TRAPPC10: variants seen among roughly 807,000 people sequenced by gnomAD.
TRAPPC10 encodes the protein TRAPP 130 kDa subunit.
TRAPPC10 carries 23 observed loss-of-function variants against 125.5 expected under a neutral mutation model. The ratio of observed to expected loss-of-function variants is 0.18; its 90% confidence interval spans 0.13 to 0.26. The LOEUF (loss-of-function observed/expected upper bound fraction) is 0.26, where lower values mean the gene tolerates loss of function less well. TRAPPC10 is among the 10% of genes least tolerant of loss of function. TRAPPC10 has a pLI of 1.00. For missense variants in TRAPPC10, 1,123 were observed against 1,308.4 expected (o/e 0.86, Z 2.19); for synonymous variants, 509 against 518.0 (o/e 0.98, Z 0.24).
intron 1 of TRAPPC10, among the ~76,000 whole-genome samples, chr21:44,026,097 G>A (rs1329265042): frequency 6.6e-6 from 1 of 152,070 alleles, no homozygotes; most frequent in Non-Finnish European, 1.5e-5. Context: ...TGCTAGAAAT[G>A]TGGAGTTAGT....
intron 1 of TRAPPC10, among the ~76,000 whole-genome samples, chr21:44,027,944 C>T (rs983700251): frequency 1.3e-5 from 2 of 152,154 alleles, no homozygotes; most frequent in African/African-American, 4.8e-5. Context: ...CTTACACCCT[C>T]CAGAAATGAT....
Position 44,080,829 on chromosome 21 carries a change from G to A in TRAPPC10, c.1723+702G>A, listed in dbSNP as rs377684686. On this transcript the variant is annotated intron_variant, in intron 13 of 22. Coordinates refer to ENST00000291574, the MANE Select transcript of TRAPPC10 (RefSeq NM_003274.5). ...GCTGGGATTACAGATGTGAGCCACC[G>A]CACCCAGTCTTTTTCTTCATTTTTT... 5.1e-3 allele frequency among the ~76,000 whole-genome samples: 759 copies of A among 150,066 alleles called. 5 individuals are homozygous for A. The highest frequency in any genetic ancestry group is 0.018 in the African/African-American group (731 of 40,846).
Position 44,076,050 on chromosome 21 carries a change from A to T in TRAPPC10, c.1301-502A>T, listed in dbSNP as rs899800220. Among the ~76,000 whole-genome samples, 8 of 77,862 alleles carry T rather than the reference A, an allele frequency of 1.0e-4. No individual in the cohort carries two copies. In the South Asian group the frequency reaches 1.8e-3, roughly 18 times the overall value. 51.1% of individuals were successfully genotyped at this position (77,862 alleles called of 152,430 possible). On this transcript the variant is annotated intron_variant, in intron 9 of 22. Coordinates refer to ENST00000291574, the MANE Select transcript of TRAPPC10 (RefSeq NM_003274.5). ...GGCAACAAGAGCAAAACTCTGTCAA[A>T]AAAAAAAAAAAATTCTCCTGGATAA...
At chr21:44,031,086 C>T (rs976982674) in intron 1 of TRAPPC10, among the ~76,000 whole-genome samples, 3 of 152,186 alleles carry the variant, frequency 2.0e-5, no homozygotes, top group African/African-American at 7.2e-5. Flanking sequence ...GCGCCTTGCC[C>T]ACTCACCGTG....
Position 44,083,073 on chromosome 21 carries a change from G to A in TRAPPC10, c.2009G>A (p.Ser670Asn). The A allele has an allele frequency of 1.2e-6, 2 of 1,614,084 alleles. No homozygotes were observed. The highest frequency in any genetic ancestry group is 1.3e-5 in the African/African-American group (1 of 74,988). Reference sequence around the variant, plus strand: ...GCACCTTTCCCTGTATCCCAAAACAGTTTGCCCGCGCTGGAGTTGTATGAA... The same window carrying A: ...GCACCTTTCCCTGTATCCCAAAACAATTTGCCCGCGCTGGAGTTGTATGAA... ...ETAPFPVSQNSLPALELYEMF... is the reference protein window; with the variant it reads ...ETAPFPVSQNNLPALELYEMF... The change falls in exon 14 of 23, where the codon AGT becomes AAT. Residue 670 changes from serine (S) to asparagine (N), a missense_variant. Physicochemically the swap from Ser to Asn is conservative, Grantham distance 46. This residue lies in a region of TRAPPC10 where 840 missense variants were observed against 902.0 expected (regional missense o/e 0.93). Coordinates refer to ENST00000291574, the MANE Select transcript of TRAPPC10 (RefSeq NM_003274.5).
chr21:44,012,851 G>A (rs1324546687), intron 1 of TRAPPC10, among the ~76,000 whole-genome samples: 2 of 151,908 alleles, frequency 1.3e-5, no homozygotes, highest in African/African-American at 4.8e-5. Flanking sequence ...CGCCGGCGTC[G>A]AGGGCGAGGA....
chr21:44,059,293 T>A lies in TRAPPC10; in HGVS notation c.790+79T>A. 2.0e-6 allele frequency: 2 copies of A among 994,056 alleles called. No homozygotes were observed. 61.6% of individuals were successfully genotyped at this position (994,056 alleles called of 1,614,324 possible). ...CTTCAGATAGGCTTGAAGCAGCCAT[T>A]TATTTACCTCAGGAGTACGCATGTT... On this transcript the variant is annotated intron_variant, in intron 6 of 22. Transcript: ENST00000291574. The surrounding 1 kb of genome is among the most constrained non-coding windows in gnomAD (Gnocchi z 4.4).
At chr21:44,052,207 A>G (rs961843551) in intron 3 of TRAPPC10, 73 bp from the exon 4 acceptor site, 44 of 1,316,868 alleles carry the variant, frequency 3.3e-5, no homozygotes, top group Non-Finnish European at 4.1e-5. Context: ...GCAGGCTGTT[A>G]TTAGGCACAT....
At chr21:44,061,064 A>G (rs2036015321) in intron 6 of TRAPPC10, among the ~76,000 whole-genome samples, 4 of 152,044 alleles carry the variant, frequency 2.6e-5, no homozygotes, top group Admixed American at 2.0e-4. Flanking sequence ...CAGCCTCCCA[A>G]ATAGCTGGGA....
rs974183463 is a variant in TRAPPC10, at chr21:44,087,063, C to T, written c.2539+103C>T. 35 of 1,364,790 alleles carry T rather than the reference C, an allele frequency of 2.6e-5. No homozygotes were observed. The highest frequency in any genetic ancestry group is 3.2e-5 in the Non-Finnish European group (32 of 994,068). The allele number at this position is 1,364,790 out of a possible 1,614,324, so 84.5% of individuals were successfully genotyped here. A position where few individuals can be genotyped will look rare whatever the true frequency, so the allele number is the denominator to read the frequency against. The stretch of plus-strand genomic sequence containing the variant: ...CTTGCTGCCATCCTGCTGAGCGCCC[C>T]TCAACAGTGTCTGGAGTCCGTGTTC... On this transcript the variant is annotated intron_variant, in intron 16 of 22. Coordinates refer to ENST00000291574, the MANE Select transcript of TRAPPC10 (RefSeq NM_003274.5). The surrounding 1 kb of genome is among the most constrained non-coding windows in gnomAD (Gnocchi z 4.6).
At chr21:44,044,936 G>C (rs1314420152) in intron 3 of TRAPPC10, among the ~76,000 whole-genome samples, 3 of 152,074 alleles carry the variant, frequency 2.0e-5, no homozygotes, top group African/African-American at 4.8e-5. Flanking sequence ...AAAGTGCTGG[G>C]ATTACAGGTG....
Position 44,012,441 on chromosome 21 carries a change from C to A in TRAPPC10, c.-53C>A. 6 of 1,222,382 alleles carry A rather than the reference C, an allele frequency of 4.9e-6. No homozygotes were observed. Among genetic ancestry groups the A allele is most frequent in the Non-Finnish European group, 6.3e-6 (6 of 955,822 alleles). 75.7% of individuals were successfully genotyped at this position (1,222,382 alleles called of 1,614,324 possible). On this transcript the variant is annotated 5_prime_UTR_variant, in exon 1 of 23. Transcript: ENST00000291574. ...CGGGCTCCGGCTGGGCCCGGCGCGG[C>A]CTCGGGGCTGCCCATGGGGCGCGGG...
rs533426293 is a variant in TRAPPC10, at chr21:44,016,947, G to A, written c.67+4387G>A. 8.9e-4 allele frequency among the ~76,000 whole-genome samples: 135 copies of A among 152,300 alleles called. 1 individual carries two copies. Among genetic ancestry groups the A allele is most frequent in the Non-Finnish European group, 5.6e-4 (38 of 68,028 alleles). Reference sequence around the variant, plus strand: ...TGGGATTATAGGCATGAGCCACCGCGCCCAGCCAGGTTAAAGTTTTTAAAT... The same window carrying A: ...TGGGATTATAGGCATGAGCCACCGCACCCAGCCAGGTTAAAGTTTTTAAAT... On this transcript the variant is annotated intron_variant, in intron 1 of 22. Transcript: ENST00000291574.
In TRAPPC10 at chr21:44,061,714, TCA is replaced by T. The variant is rs535723742; in HGVS notation, c.791-1823_791-1822del. ...CACTGAGCACCAAATAGAATAATTC[TCA>T]GTCTTTTCATGGAGAACTCCTTTGA... is the stretch of plus-strand genomic sequence containing the variant. On this transcript the variant is annotated intron_variant, in intron 6 of 22. Transcript: ENST00000291574. Among the ~76,000 whole-genome samples, 595 of 152,358 alleles carry T rather than the reference TCA, an allele frequency of 3.9e-3. 6 individuals carry two copies. Among genetic ancestry groups the T allele is most frequent in the African/African-American group, 0.014 (570 of 41,582 alleles).
intron 8 of TRAPPC10, 98 bp from the exon 9 acceptor site, chr21:44,074,941 C>A (rs1163432545): frequency 4.4e-6 from 4 of 916,714 alleles, no homozygotes; most frequent in Non-Finnish European, 6.7e-6. Context: ...TAAATTTCTT[C>A]TAGAATTTAG....
intron 1 of TRAPPC10, among the ~76,000 whole-genome samples, chr21:44,015,681 C>G (rs987985441): frequency 6.6e-6 from 1 of 151,126 alleles, no homozygotes; most frequent in Middle Eastern, 3.2e-3. Flanking sequence ...GTGGCGCGAT[C>G]TCGGCTCACT....
chr21:44,089,949 C>T lies in TRAPPC10; in HGVS notation c.2870+16C>T, dbSNP rs1034605515. On this transcript the variant is annotated intron_variant, in intron 18 of 22. Coordinates refer to ENST00000291574, the MANE Select transcript of TRAPPC10 (RefSeq NM_003274.5). ...CAGGAACACGGTAACGGAGGCGTAG[C>T]GTGCGGGCCCTGGCTTCTTTCCCCA... 6.3e-6 allele frequency: 10 copies of T among 1,594,890 alleles called. No homozygotes were observed. Among genetic ancestry groups the T allele is most frequent in the African/African-American group, 2.7e-5 (2 of 74,540 alleles).
Position 44,094,098 on chromosome 21 carries a change from G to C in TRAPPC10, c.3033G>C (p.Trp1011Cys). Residue 1011 changes from tryptophan to cysteine, a missense_variant, in exon 20 of 23, where the codon TGG (tryptophan) becomes TGC (cysteine). Around this residue, in one of 4 missense-constraint regions of TRAPPC10, gnomAD observed 840 missense variants for 902.0 expected, o/e 0.93. Coordinates refer to ENST00000291574, the MANE Select transcript of TRAPPC10 (RefSeq NM_003274.5). ...IYSKQSVFFV[W>C]ELKWTEEPPP... ...GCAAGCAGTCGGTGTTCTTCGTCTG[G>C]GAACTCAAGTGGACAGAAGAGCCTC... 6.2e-7 allele frequency: 1 copy of C among 1,614,068 alleles called. No homozygotes were observed. Among genetic ancestry groups the C allele is most frequent in the Non-Finnish European group, 8.5e-7 (1 of 1,180,010 alleles).
At chr21:44,060,917 C>CATAA (rs201418270) in intron 6 of TRAPPC10, among the ~76,000 whole-genome samples, 1 of 133,856 alleles carries the variant, frequency 7.5e-6, no homozygotes, top group African/African-American at 2.7e-5. Flanking sequence ...TACATACATA[C>CATAA]ACACACACAC....
Sources: gnomAD v4.1 joint callset for allele counts (sites outside exome capture counted in the v4.1 genomes callset) on GRCh38, gnomAD v4.1.1 for gene constraint, gnomAD v4.1.1 regional missense constraint, Gnocchi (gnomAD v3.1) non-coding constraint, MANE v1.5 for transcripts, NCBI Gene and HGNC (gene_info 2026-07-23, HGNC 2026-07-21) for gene names.